Variants in ABCB11 observed in about 807,000 individuals in gnomAD.
ABCB11 encodes the protein ATP binding cassette subfamily B member 11.
In ABCB11, 95 loss-of-function variants were observed where a neutral mutation model predicts 148.0. The ratio of observed to expected loss-of-function variants is 0.64; its 90% CI spans 0.54 to 0.76. The LOEUF (loss-of-function observed/expected upper bound fraction) is 0.76. ABCB11 is among the 30% of genes least tolerant of loss of function. ABCB11 has a pLI of 0.00. For missense variants in ABCB11, 1,523 were observed against 1,617.8 expected (o/e 0.94, Z 1.01); for synonymous variants, 591 against 555.4 (o/e 1.06, Z -0.90).
intron 1 of ABCB11, among the ~76,000 whole-genome samples, chr2:169,021,973 A>G (rs1695554772): frequency 6.6e-6 from 1 of 152,066 alleles, no homozygotes; most frequent in Admixed American, 6.5e-5. Flanking sequence ...AAAAAATTAA[A>G]CACTAGTAAA....
intron 19 of ABCB11, among the ~76,000 whole-genome samples, chr2:168,947,357 T>TC (rs1692367970): frequency 6.6e-6 from 1 of 151,318 alleles, no homozygotes; most frequent in Non-Finnish European, 1.5e-5. Context: ...CATTTTTTTT[T>TC]TTCCCCAGCA....
At chr2:168,962,986 C>A (rs1693141353) in intron 18 of ABCB11, among the ~76,000 whole-genome samples, 1 of 151,650 alleles carries the variant, frequency 6.6e-6, no homozygotes, top group African/African-American at 2.4e-5. Flanking sequence ...AAAAGAGAAC[C>A]CAATCACTCC....
intron 14 of ABCB11, 128 bp from the exon 15 acceptor site, chr2:168,970,343 TGAAA>T: frequency 6.5e-7 from 1 of 1,539,382 alleles, no homozygotes; most frequent in Non-Finnish European, 8.7e-7. Context: ...CGACTTCCAC[TGAAA>T]GAAATATCCC....
chr2:169,015,206 T>C (rs1037393986), intron 3 of ABCB11, among the ~76,000 whole-genome samples: 6 of 152,060 alleles, frequency 3.9e-5, no homozygotes, highest in Non-Finnish European at 8.8e-5. Flanking sequence ...CCTCAATTAT[T>C]TTCTCTACAT....
At chr2:168,939,455 G>C (rs1012545825) in intron 21 of ABCB11, among the ~76,000 whole-genome samples, 1 of 151,962 alleles carries the variant, frequency 6.6e-6, no homozygotes, top group Non-Finnish European at 1.5e-5. Context: ...GATGGTTTTA[G>C]GAACACTACA....
chr2:168,932,389 T>C lies in ABCB11; in HGVS notation c.3201A>G (p.Ala1067=), dbSNP rs1354181423. 6.4e-7 allele frequency: 1 copy of C among 1,561,980 alleles called. No homozygotes were observed. Among genetic ancestry groups the C allele is most frequent in the Non-Finnish European group, 8.7e-7 (1 of 1,152,512 alleles). The change falls in exon 24 of 28, where the codon GCA becomes GCG. Residue 1067 remains alanine, a synonymous_variant. Coordinates refer to ENST00000650372, the MANE Select transcript of ABCB11 (RefSeq NM_003742.4). Reference sequence around the variant, plus strand: ...TTCCAACACTTACCCATTTTTCACCTGCAGTATTGTATACACTGATTGGGG... The same window carrying C: ...TTCCAACACTTACCCATTTTTCACCCGCAGTATTGTATACACTGATTGGGG... ...RQPPISVYNT[A]GEKWDNFQGK...
chr2:168,999,887 T>TA (rs1350713989), intron 5 of ABCB11, among the ~76,000 whole-genome samples: 1 of 152,166 alleles, frequency 6.6e-6, no homozygotes, highest in Non-Finnish European at 1.5e-5. Flanking sequence ...TTAGAATTTT[T>TA]TTAATTACTA....
chr2:168,980,373 A>G (rs919227225), intron 10 of ABCB11, among the ~76,000 whole-genome samples: 3 of 152,146 alleles, frequency 2.0e-5, no homozygotes, highest in Non-Finnish European at 4.4e-5. Context: ...AAAACAATAC[A>G]GACACTAAGA....
intron 9 of ABCB11, among the ~76,000 whole-genome samples, chr2:168,989,390 C>A (rs1458164515): frequency 6.6e-6 from 1 of 152,080 alleles, no homozygotes; most frequent in African/African-American, 2.4e-5. Context: ...CTGCCCTTTC[C>A]TCATGGTGTG....
At position 168,993,861 on chromosome 2, in the gene ABCB11, A is replaced by G. The variant is rs776093220; in HGVS notation, c.633T>C (p.Asp211=). The G allele has an allele frequency of 1.2e-6, 2 of 1,609,050 alleles. No individual in the cohort carries two copies. Among genetic ancestry groups the G allele is most frequent in the Non-Finnish European group, 8.5e-7 (1 of 1,177,784 alleles). Residue 211 remains aspartate (D), a synonymous_variant, in exon 8 of 28, where the codon GAT becomes GAC. Coordinates refer to ENST00000650372, the MANE Select transcript of ABCB11 (RefSeq NM_003742.4). ...RFSDDINKIN[D]AIADQMALFI... The stretch of plus-strand genomic sequence containing the variant: ...AAAGGGCCATTTGGTCAGCTATGGC[A>G]TCATTGATTTTATTAATATCACTAG...
At chr2:169,017,001 C>G (rs1292501648) in intron 2 of ABCB11, among the ~76,000 whole-genome samples, 2 of 147,334 alleles carry the variant, frequency 1.4e-5, no homozygotes, top group African/African-American at 4.9e-5. Flanking sequence ...CACACACACA[C>G]ACACACACAC....
chr2:168,932,681 G>C, intron 23 of ABCB11, 148 bp from the exon 24 acceptor site: 1 of 973,068 alleles, frequency 1.0e-6, no homozygotes, highest in East Asian at 2.6e-5. Flanking sequence ...TCTGGAAATG[G>C]AGAGGGTGGT....
At chr2:168,919,551 C>T (rs1197779031), downstream of ABCB11, among the ~76,000 whole-genome samples, 1 of 152,078 alleles carries the variant, frequency 6.6e-6, no homozygotes, top group East Asian at 1.9e-4. Context: ...TGGAGATTCC[C>T]AGCACCTCAT....
chr2:168,981,694 C>G (rs917685131), intron 10 of ABCB11, among the ~76,000 whole-genome samples: 5 of 152,098 alleles, frequency 3.3e-5, no homozygotes, highest in African/African-American at 1.2e-4. Flanking sequence ...AGCAAAGGAA[C>G]CTTCCATTTG....
chr2:168,919,133 T>G (rs868269583), downstream of ABCB11, among the ~76,000 whole-genome samples: 6 of 152,078 alleles, frequency 3.9e-5, no homozygotes, highest in African/African-American at 1.4e-4. Context: ...CATCCCAACC[T>G]ACCCCACATA....
intron 5 of ABCB11, among the ~76,000 whole-genome samples, chr2:169,012,483 G>A (rs987689913): frequency 1.3e-5 from 2 of 152,030 alleles, no homozygotes; most frequent in African/African-American, 2.4e-5. Context: ...GTTTTCTCAC[G>A]CCTGTAATCT....
chr2:168,991,068 T>A lies in ABCB11; in HGVS notation c.784-143A>T, dbSNP rs1694503719. ...TAACATCATTGACAGGAGGAAGAAA[T>A]CTGGTCCAAATTTGGTCTATGGTAA... On this transcript the variant is annotated intron_variant, in intron 8 of 27. Coordinates refer to ENST00000650372, the MANE Select transcript of ABCB11 (RefSeq NM_003742.4). 3.7e-6 allele frequency: 4 copies of A among 1,083,182 alleles called. No homozygotes were observed. In the South Asian group the frequency reaches 5.3e-5, roughly 14 times the overall value. 67.1% of individuals were successfully genotyped at this position (1,083,182 alleles called of 1,614,324 possible). A position where few individuals can be genotyped will look rare whatever the true frequency, so the allele number is the denominator to read the frequency against.
chr2:169,016,630 A>C (rs1695364325), intron 3 of ABCB11, 148 bp downstream of exon 3: 1 of 697,284 alleles, frequency 1.4e-6, no homozygotes, highest in Admixed American at 3.0e-5. Context: ...AATTATAGTA[A>C]TATTTTAAAG....
chr2:168,945,240 C>T (rs1692251459), intron 19 of ABCB11, among the ~76,000 whole-genome samples: 1 of 151,736 alleles, frequency 6.6e-6, no homozygotes, highest in African/African-American at 2.4e-5. Context: ...TGGGAAATCT[C>T]TGTACCTTCC....
Sources: gnomAD v4.1 joint callset for allele counts (sites outside exome capture counted in the v4.1 genomes callset) on GRCh38, gnomAD v4.1.1 for gene constraint, MANE v1.5 for transcripts, NCBI Gene and HGNC (gene_info 2026-07-23, HGNC 2026-07-21) for gene names.